Variants in COL11A1 observed in about 807,000 individuals in gnomAD.
The protein encoded by COL11A1 is collagen alpha-1(XI) chain.
COL11A1 carries 74 observed loss-of-function variants against 265.2 expected under a neutral mutation model. The observed-to-expected ratio is 0.28, with a 90% confidence interval of 0.23 to 0.34. COL11A1 has a LOEUF of 0.34. Among genes scored for constraint, COL11A1 ranks in the 10% least tolerant of loss-of-function variants. COL11A1 has a pLI of 1.00. For synonymous variants in COL11A1, 816 were observed against 727.6 expected, an observed-to-expected ratio of 1.12 and a Z score of -1.96; for missense variants, 2,165 against 2,263.6, an observed-to-expected ratio of 0.96 and a Z score of 0.88.
intron 1 of COL11A1, among the ~76,000 whole-genome samples, chr1:103,088,980 A>G (rs1673094251): frequency 6.6e-6 from 1 of 152,214 alleles, no homozygotes; most frequent in Non-Finnish European, 1.5e-5. Context: ...CGACTCGCCC[A>G]TCCTGACATT....
At chr1:103,064,246 C>T (rs993924428) in intron 4 of COL11A1, among the ~76,000 whole-genome samples, 5 of 152,070 alleles carry the variant, frequency 3.3e-5, no homozygotes, top group Non-Finnish European at 5.9e-5. Flanking sequence ...ATGAAAACTG[C>T]ACATAATTAT....
intron 46 of COL11A1, among the ~76,000 whole-genome samples, chr1:102,926,852 C>A (rs143236063): frequency 6.6e-6 from 1 of 152,074 alleles, no homozygotes; most frequent in Non-Finnish European, 1.5e-5. Flanking sequence ...AATATGTATG[C>A]TTCACACACA....
intron 48 of COL11A1, among the ~76,000 whole-genome samples, chr1:102,920,983 A>T (rs1655926249): frequency 6.6e-6 from 1 of 152,218 alleles, no homozygotes; most frequent in Non-Finnish European, 1.5e-5. Flanking sequence ...GGTAACAGTA[A>T]GATAAATATG....
intron 6 of COL11A1, chr1:103,025,994 A>G (rs375946069): frequency 1.3e-6 from 2 of 1,581,448 alleles, no homozygotes; most frequent in African/African-American, 2.7e-5. Flanking sequence ...ACATAAATAA[A>G]CGAGGAGGGA....
At chr1:103,015,253 G>T (rs1666467979) in intron 12 of COL11A1, among the ~76,000 whole-genome samples, 1 of 151,590 alleles carries the variant, frequency 6.6e-6, no homozygotes, top group Non-Finnish European at 1.5e-5. Flanking sequence ...ACTTTACAAA[G>T]GAATCTTACA....
chr1:102,950,555 T>A (rs1295470466), intron 41 of COL11A1, among the ~76,000 whole-genome samples: 1 of 152,152 alleles, frequency 6.6e-6, no homozygotes, highest in African/African-American at 2.4e-5. Flanking sequence ...TTTTTTTACT[T>A]TATATCTTAG....
At chr1:103,028,046 T>G (rs960672733) in intron 5 of COL11A1, among the ~76,000 whole-genome samples, 6 of 152,126 alleles carry the variant, frequency 3.9e-5, no homozygotes, top group Non-Finnish European at 7.4e-5. Flanking sequence ...TGTTTTGTTT[T>G]TGAGATGGAG....
intron 7 of COL11A1, among the ~76,000 whole-genome samples, chr1:103,023,316 T>G (rs1557960057): frequency 6.6e-6 from 1 of 152,174 alleles, no homozygotes; most frequent in East Asian, 1.9e-4. Flanking sequence ...CAGTTTAAGA[T>G]TTGAACAATA....
intron 54 of COL11A1, among the ~76,000 whole-genome samples, chr1:102,907,515 A>T (rs1371064763): frequency 6.6e-6 from 1 of 152,036 alleles, no homozygotes; most frequent in Non-Finnish European, 1.5e-5. Flanking sequence ...TTTCCACAGA[A>T]GTAACTACCA....
chr1:103,098,016 G>A (rs533698404), intron 1 of COL11A1, among the ~76,000 whole-genome samples: 2 of 151,986 alleles, frequency 1.3e-5, no homozygotes, highest in South Asian at 4.1e-4. Flanking sequence ...AACTAGTTGA[G>A]AGTATGACAT....
At chr1:102,948,782 TAAAATAGTC>T (rs1256196470) in intron 41 of COL11A1, among the ~76,000 whole-genome samples, 1 of 151,874 alleles carries the variant, frequency 6.6e-6, no homozygotes, top group African/African-American at 2.4e-5. Context: ...ATTTTATGAA[TAAAATAGTC>T]AACCACAAGT....
chr1:102,951,798 G>A (rs536280606), intron 41 of COL11A1, among the ~76,000 whole-genome samples: 2 of 152,056 alleles, frequency 1.3e-5, no homozygotes, highest in East Asian at 1.9e-4. Flanking sequence ...GTACACACAT[G>A]TAGTCAAGAG....
intron 35 of COL11A1, among the ~76,000 whole-genome samples, chr1:102,976,449 C>G (rs746402519): frequency 1.3e-5 from 2 of 151,888 alleles, no homozygotes; most frequent in Admixed American, 1.3e-4. Context: ...CAGGCACCCA[C>G]CACCATGCCC....
chr1:103,079,858 C>A (rs961621194), intron 2 of COL11A1, among the ~76,000 whole-genome samples: 3 of 151,952 alleles, frequency 2.0e-5, no homozygotes, highest in South Asian at 4.1e-4. Flanking sequence ...ATTCCAAATT[C>A]TATTACAGGC....
At chr1:102,904,383 T>A (rs1022016430) in intron 54 of COL11A1, among the ~76,000 whole-genome samples, 10 of 152,048 alleles carry the variant, frequency 6.6e-5, no homozygotes, top group Admixed American at 1.3e-4. Flanking sequence ...TGGGATCTAA[T>A]TAAACTAAAG....
intron 35 of COL11A1, among the ~76,000 whole-genome samples, chr1:102,977,384 A>G (rs1662597901): frequency 6.6e-6 from 1 of 152,140 alleles, no homozygotes. Flanking sequence ...AAAACAACAA[A>G]ACAAAACAAA....
intron 63 of COL11A1, 93 bp downstream of exon 63, chr1:102,886,714 T>G: frequency 6.7e-7 from 1 of 1,486,016 alleles, no homozygotes. Context: ...TTAGAGACTG[T>G]ATTAAACATT....
chr1:102,904,933 T>C (rs556777613), intron 54 of COL11A1, among the ~76,000 whole-genome samples: 5 of 152,240 alleles, frequency 3.3e-5, no homozygotes, highest in African/African-American at 1.2e-4. Flanking sequence ...CATATGTTTA[T>C]AGCGGCACTA....
intron 62 of COL11A1, 143 bp from the exon 63 acceptor site, chr1:102,887,199 A>C: frequency 1.0e-6 from 1 of 954,434 alleles, no homozygotes. Context: ...CTATAGGATA[A>C]GTTTATAAAT....
Sources: gnomAD v4.1 joint callset for allele counts (sites outside exome capture counted in the v4.1 genomes callset) on GRCh38, gnomAD v4.1.1 for gene constraint, MANE v1.5 for transcripts, NCBI Gene and HGNC (gene_info 2026-07-23, HGNC 2026-07-21) for gene names.